GET4: variants seen among roughly 807,000 people sequenced by gnomAD.
GET4 encodes the protein Golgi to ER traffic protein 4 homolog.
GET4 carries 20 observed loss-of-function variants against 40.0 expected under a neutral mutation model. The ratio of observed to expected loss-of-function variants is 0.50; its 90% CI spans 0.35 to 0.73. The LOEUF is 0.73. Among genes scored for constraint, GET4 ranks in the 30% least tolerant of loss-of-function variants. The pLI is 0.01. For missense variants in GET4, 557 were observed against 454.0 expected (o/e 1.23, Z -2.06); for synonymous variants, 280 against 194.6 (o/e 1.44, Z -3.65).
At chr7:889,712 G>A (rs1161716691) in intron 4 of GET4, among the ~76,000 whole-genome samples, 1 of 141,024 alleles carries the variant, frequency 7.1e-6, no homozygotes, top group Non-Finnish European at 1.6e-5. Flanking sequence ...GCCTGGGAGC[G>A]GAGGGAGTGC....
chr7:888,650 C>T (rs1201220770), intron 4 of GET4, among the ~76,000 whole-genome samples: 4 of 152,248 alleles, frequency 2.6e-5, no homozygotes, highest in Admixed American at 2.6e-4. Context: ...TCGCCTCCTT[C>T]CTCAGAAGGG....
intron 6 of GET4, 176 bp downstream of exon 6, chr7:892,594 G>T (rs1844352610): frequency 6.7e-6 from 4 of 597,144 alleles, no homozygotes; most frequent in East Asian, 5.6e-5. Flanking sequence ...GTGTGTGCAG[G>T]TCTGTTGGGT....
intron 8 of GET4, among the ~76,000 whole-genome samples, 180 bp downstream of exon 8, chr7:894,151 C>T (rs749736780): frequency 2.0e-5 from 3 of 152,210 alleles, no homozygotes; most frequent in Non-Finnish European, 2.9e-5. Context: ...AGAATTCTGG[C>T]ACGGTGGCTC....
At position 892,125 on chromosome 7, in the gene GET4, A is replaced by T. The variant is rs576052389; in HGVS notation, c.606-153A>T. On this transcript the variant is annotated intron_variant, in intron 5 of 8. Coordinates refer to ENST00000265857, the MANE Select transcript of GET4 (RefSeq NM_015949.3). ...CCCTGGTGTGCCCTGCACATGAGGGAAGACACGCGTGAAGCACTGGGTCCC... is the reference window on the plus strand; with the variant it reads ...CCCTGGTGTGCCCTGCACATGAGGGTAGACACGCGTGAAGCACTGGGTCCC... Among the ~76,000 whole-genome samples, 5 of 152,352 alleles carry T rather than the reference A, an allele frequency of 3.3e-5. No homozygotes were observed. The South Asian group carries it at 1.0e-3, about 32-fold the overall frequency.
At position 893,161 on chromosome 7, in the gene GET4, CGTG is replaced by C. The variant is rs72098891; in HGVS notation, c.747-572_747-570del. 3.1e-3 allele frequency among the ~76,000 whole-genome samples: 315 copies of C among 100,018 alleles called. 1 individual carries two copies. Among genetic ancestry groups the C allele is most frequent in the African/African-American group, 1.0e-2 (249 of 24,992 alleles). 65.6% of individuals were successfully genotyped at this position (100,018 alleles called of 152,430 possible). ...TGTGCAGGTGAGTGTTGGGTGTAGG[CGTG>C]GTGGTGTTTGCAGGTGAGTGTTGGG... is the stretch of plus-strand genomic sequence containing the variant. On this transcript the variant is annotated intron_variant, in intron 6 of 8. Transcript: ENST00000265857.
At chr7:894,490 C>A (rs1188917714) in intron 8 of GET4, among the ~76,000 whole-genome samples, 1 of 152,186 alleles carries the variant, frequency 6.6e-6, no homozygotes, top group Non-Finnish European at 1.5e-5. Flanking sequence ...GGTGACCTCT[C>A]CCCACAGATG....
chr7:895,650 C>G lies in GET4; in HGVS notation c.*228C>G, dbSNP rs975477214. 1 of 406,372 alleles carries G rather than the reference C, an allele frequency of 2.5e-6. No individual in the cohort carries two copies. Among genetic ancestry groups the G allele is most frequent in the Non-Finnish European group, 4.5e-6 (1 of 224,218 alleles). The allele number at this position is 406,372 out of a possible 1,614,324, so 25.2% of individuals were successfully genotyped here. Reference sequence around the variant, plus strand: ...GTCGCCCCTGCTGGCCGCCGCGTCCCCCGAGATTGACCCACAATAAAGCAC... The same window carrying G: ...GTCGCCCCTGCTGGCCGCCGCGTCCGCCGAGATTGACCCACAATAAAGCAC... On this transcript the variant is annotated 3_prime_UTR_variant, in exon 9 of 9. Transcript: ENST00000265857.
chr7:890,664 T>C (rs1844300494), intron 4 of GET4, among the ~76,000 whole-genome samples: 1 of 152,008 alleles, frequency 6.6e-6, no homozygotes, highest in Non-Finnish European at 1.5e-5. Context: ...ATTAGTGCAG[T>C]TGGATTAAGC....
At chr7:881,338 T>TACCCCCCCCCCCCCCCC in intron 1 of GET4, 1 of 148,692 alleles carries the variant, frequency 6.7e-6, no homozygotes, top group Non-Finnish European at 1.5e-5. Flanking sequence ...TCGCCCCCAC[T>TACCCCCCCCCCCCCCCC]CCCACCCCAC....
chr7:895,669 A>G lies in GET4; in HGVS notation c.*247A>G, dbSNP rs1583104419. Reference sequence around the variant, plus strand: ...GCGTCCCCCGAGATTGACCCACAATAAAGCACAGGCCTTACCGCGGCGTCA... The same window carrying G: ...GCGTCCCCCGAGATTGACCCACAATGAAGCACAGGCCTTACCGCGGCGTCA... On this transcript the variant is annotated 3_prime_UTR_variant, in exon 9 of 9. Transcript: ENST00000265857. 4 of 385,044 alleles carry G rather than the reference A, an allele frequency of 1.0e-5. No homozygotes were observed. In the East Asian group the frequency reaches 1.3e-4, roughly 13 times the overall value. The allele number at this position is 385,044 out of a possible 1,614,324, so 23.9% of individuals were successfully genotyped here.
Position 886,506 on chromosome 7 carries a change from C to CT in GET4, c.235-60dup, listed in dbSNP as rs551189068. 542 of 1,246,026 alleles carry CT rather than the reference C, an allele frequency of 4.3e-4. No homozygotes were observed. The African/African-American group carries it at 7.1e-3, about 16-fold the overall frequency. The allele number at this position is 1,246,026 out of a possible 1,614,324, so 77.2% of individuals were successfully genotyped here. A position where few individuals can be genotyped will look rare whatever the true frequency, so the allele number is the denominator to read the frequency against. ...GCTTCTGCTGGAAACCCAGCCTTGT[C>CT]TTTGCTGTCCTGAACAGGTCAGGGC... On this transcript the variant is annotated intron_variant, in intron 2 of 8. Transcript: ENST00000265857.
intron 4 of GET4, among the ~76,000 whole-genome samples, chr7:890,650 G>A (rs576305594): frequency 2.0e-5 from 3 of 152,226 alleles, no homozygotes; most frequent in Admixed American, 6.5e-5. Flanking sequence ...TTATCACAAC[G>A]AACATTAGTG....
intron 1 of GET4, among the ~76,000 whole-genome samples, chr7:879,217 T>A (rs1844034785): frequency 6.6e-6 from 1 of 152,260 alleles, no homozygotes; most frequent in African/African-American, 2.4e-5. Flanking sequence ...TTAAACACCG[T>A]CTGTCACGCC....
chr7:877,249 C>G (rs983818506), intron 1 of GET4, among the ~76,000 whole-genome samples: 1 of 150,582 alleles, frequency 6.6e-6, no homozygotes, highest in African/African-American at 2.5e-5. Context: ...CTTTGCGTCT[C>G]TCTCCCCGGC....
chr7:876,795 C>T lies in GET4; in HGVS notation c.150C>T (p.Phe50=), dbSNP rs1469462471. The part of the protein sequence containing the change: ...YEAHQMYRTL[F]FRYMSQSKHT... ...CGCACCAGATGTACCGGACCCTGTT[C>T]TTCAGGTACCCGCGCCCGGCCCTCG... is the stretch of plus-strand genomic sequence containing the variant. Residue 50 remains phenylalanine (F), a synonymous_variant, in exon 1 of 9, where the codon TTC becomes TTT. Coordinates refer to ENST00000265857, the MANE Select transcript of GET4 (RefSeq NM_015949.3). The T allele has an allele frequency of 3.3e-6, 4 of 1,227,372 alleles. No individual in the cohort carries two copies. The highest frequency in any genetic ancestry group is 2.6e-5 in the South Asian group (1 of 38,196). 76.0% of individuals were successfully genotyped at this position (1,227,372 alleles called of 1,614,324 possible).
At chr7:892,684 T>C (rs1465677033) in intron 6 of GET4, among the ~76,000 whole-genome samples, 4 of 151,002 alleles carry the variant, frequency 2.6e-5, no homozygotes, top group Non-Finnish European at 5.9e-5. Context: ...GTGTTGGGCC[T>C]CTGGTAGTGT....
intron 1 of GET4, chr7:882,797 A>G (rs1463260179): frequency 2.0e-5 from 3 of 152,398 alleles, no homozygotes; most frequent in East Asian, 3.8e-4. Flanking sequence ...CGGAGCCACC[A>G]TCCAGGTCTT....
At chr7:892,060 T>TTC (rs1192718078) in intron 5 of GET4, among the ~76,000 whole-genome samples, 2 of 152,240 alleles carry the variant, frequency 1.3e-5, no homozygotes, top group Non-Finnish European at 2.9e-5. Flanking sequence ...CCTGGTCACA[T>TTC]TCCCAAGCTT....
rs757790553 is a variant in GET4, at chr7:886,555, G to T, written c.235-14G>T. ...GCTTTGTTCTTGATTCTTGTGTGTTGCTTTCTCTTGTAGCAAAACAGTGCA... is the reference window on the plus strand; with the variant it reads ...GCTTTGTTCTTGATTCTTGTGTGTTTCTTTCTCTTGTAGCAAAACAGTGCA... On this transcript the variant is annotated splice_polypyrimidine_tract_variant and intron_variant, in intron 2 of 8. Coordinates refer to ENST00000265857, the MANE Select transcript of GET4 (RefSeq NM_015949.3). The T allele has an allele frequency of 6.3e-7, 1 of 1,599,364 alleles. No individual in the cohort carries two copies. The highest frequency in any genetic ancestry group is 1.1e-5 in the South Asian group (1 of 90,742).
Sources: gnomAD v4.1 joint callset for allele counts (sites outside exome capture counted in the v4.1 genomes callset) on GRCh38, gnomAD v4.1.1 for gene constraint, MANE v1.5 for transcripts, NCBI Gene and HGNC (gene_info 2026-07-23, HGNC 2026-07-21) for gene names.